Variants in BCAS3 observed in about 807,000 individuals in gnomAD.
BCAS3 encodes BCAS4/BCAS3 fusion.
BCAS3 carries 53 observed loss-of-function variants against 116.1 expected under a neutral mutation model. The observed-to-expected ratio is 0.46, with a 90% CI of 0.37 to 0.57. BCAS3 has a LOEUF of 0.57. BCAS3 is among the 20% of genes least tolerant of loss of function. BCAS3 has a pLI of 0.00. For missense variants in BCAS3, 917 were observed against 1,165.4 expected, an observed-to-expected ratio of 0.79 and a Z score of 3.10; for synonymous variants, 391 against 408.2, an observed-to-expected ratio of 0.96 and a Z score of 0.51.
At chr17:61,081,527 T>C (rs530775612) in intron 21 of BCAS3, among the ~76,000 whole-genome samples, 1 of 152,382 alleles carries the variant, frequency 6.6e-6, no homozygotes, top group South Asian at 2.1e-4. Flanking sequence ...AATATTATCC[T>C]GTTTACAGGA....
rs8064419 is a variant in BCAS3 at position 61,141,536 on chromosome 17, C to T, written c.2425+56972C>T. ...TCACACCACAGCACTCCAGCCTGGG[C>T]GGCAGAGCGAGACCCTGTCTCAAAA... On this transcript the variant is annotated intron_variant, in intron 22 of 23. Coordinates refer to ENST00000407086, the MANE Select transcript of BCAS3 (RefSeq NM_017679.5). This position sits in a 1 kb window ranked among gnomAD's most constrained non-coding sequence, Gnocchi z 4.3. Among the ~76,000 whole-genome samples the T allele has an allele frequency of 0.024, 3,694 of 151,068 alleles. 177 individuals carry two copies. Among genetic ancestry groups the T allele is most frequent in the African/African-American group, 0.085 (3,508 of 41,130 alleles).
At chr17:60,767,932 C>T (rs531926167) in intron 6 of BCAS3, among the ~76,000 whole-genome samples, 3 of 152,116 alleles carry the variant, frequency 2.0e-5, no homozygotes, top group African/African-American at 7.2e-5. Context: ...TTCTGAGTAG[C>T]TGGAATGACA....
chr17:60,818,447 T>G (rs999852623), intron 7 of BCAS3, among the ~76,000 whole-genome samples: 4 of 152,168 alleles, frequency 2.6e-5, no homozygotes, highest in African/African-American at 9.7e-5. Flanking sequence ...GTTATGTTAT[T>G]AAATAATTAG....
intron 12 of BCAS3, among the ~76,000 whole-genome samples, chr17:60,911,891 C>G (rs2058535010): frequency 6.6e-6 from 1 of 152,108 alleles, no homozygotes; most frequent in African/African-American, 2.4e-5. Context: ...CTTAAAGTAG[C>G]ATATAAGAAT....
At chr17:61,042,891 C>CAAAAAAAAAAAAAAAAAAAAAAAA (rs35629825) in intron 19 of BCAS3, among the ~76,000 whole-genome samples, 4 of 58,290 alleles carry the variant, frequency 6.9e-5, no homozygotes, top group African/African-American at 1.7e-4. Context: ...CTCCATCTCA[C>CAAAAAAAAAAAAAAAAAAAAAAAA]AAAAAAAAAA....
At chr17:60,797,140 C>T (rs540541750) in intron 6 of BCAS3, among the ~76,000 whole-genome samples, 266 of 152,220 alleles carry the variant, frequency 1.7e-3, no homozygotes, top group African/African-American at 5.8e-3. Context: ...AAGTGATCCA[C>T]CCACCTTGAC....
Position 61,244,565 on chromosome 17 carries a change from T to C in BCAS3, c.2426-123762T>C, listed in dbSNP as rs975943447. Among the ~76,000 whole-genome samples the C allele has an allele frequency of 1.3e-5, 2 of 152,222 alleles. No individual in the cohort carries two copies. The highest frequency in any genetic ancestry group is 4.8e-5 in the African/African-American group (2 of 41,470). On this transcript the variant is annotated intron_variant, in intron 22 of 23. Transcript: ENST00000407086. This position sits in a 1 kb window ranked among gnomAD's most constrained non-coding sequence, Gnocchi z 4.9. ...ACATACTTTATTCAGTCTATATTTT[T>C]AAAAATTGGATATATAGGCCCGGCG...
rs2064522660 is a variant in BCAS3 at position 61,004,686 on chromosome 17, G to A, written c.1487-11065G>A. Among the ~76,000 whole-genome samples the A allele has an allele frequency of 2.6e-5, 4 of 152,090 alleles. No homozygotes were observed. The South Asian group carries it at 8.3e-4, about 31-fold the overall frequency. On this transcript the variant is annotated intron_variant, in intron 15 of 23. Coordinates refer to ENST00000407086, the MANE Select transcript of BCAS3 (RefSeq NM_017679.5). This position sits in a 1 kb window ranked among gnomAD's most constrained non-coding sequence, Gnocchi z 4.8. ...TGATATTTTGAATTTGGAGGAGGAT[G>A]AGAAAAGGAAAAGGATTTAAGGTTC...
At chr17:61,049,884 C>T (rs1368077496) in intron 19 of BCAS3, among the ~76,000 whole-genome samples, 2 of 151,790 alleles carry the variant, frequency 1.3e-5, no homozygotes, top group Non-Finnish European at 2.9e-5. Context: ...AGGCATGCGC[C>T]ACCACGCCTG....
At chr17:61,035,161 A>G (rs984115404) in intron 17 of BCAS3, among the ~76,000 whole-genome samples, 3 of 152,168 alleles carry the variant, frequency 2.0e-5, no homozygotes, top group African/African-American at 7.2e-5. Context: ...GAGATGAAGA[A>G]CTTGAGACCA....
In BCAS3 at chr17:61,325,767, G is replaced by A. The variant is rs2055678480; in HGVS notation, c.2426-42560G>A. The stretch of plus-strand genomic sequence containing the variant: ...CACAAAGCAGGGGCTTTTTTAGGGA[G>A]GTGTTTTTGAAATGAGTGTCTCCAT... On this transcript the variant is annotated intron_variant, in intron 22 of 23. Transcript: ENST00000407086. This position sits in a 1 kb window ranked among gnomAD's most constrained non-coding sequence, Gnocchi z 6.4. Among the ~76,000 whole-genome samples the A allele has an allele frequency of 6.6e-6, 1 of 152,118 alleles. No homozygotes were observed. The highest frequency in any genetic ancestry group is 1.5e-5 in the Non-Finnish European group (1 of 68,014).
chr17:60,865,724 C>T (rs1485595857), intron 7 of BCAS3, among the ~76,000 whole-genome samples: 1 of 152,078 alleles, frequency 6.6e-6, no homozygotes, highest in East Asian at 1.9e-4. Flanking sequence ...TTTATTTCTA[C>T]CTTGACAATC....
At chr17:60,810,026 A>G (rs2048649986) in intron 7 of BCAS3, 2 of 182,316 alleles carry the variant, frequency 1.1e-5, no homozygotes, top group South Asian at 2.4e-4. Context: ...TAAAATGTCT[A>G]TTTTTAAATA....
At chr17:61,231,026 C>G (rs1053910615) in intron 22 of BCAS3, among the ~76,000 whole-genome samples, 12 of 147,938 alleles carry the variant, frequency 8.1e-5, no homozygotes, top group African/African-American at 3.0e-4. Context: ...GTCTCAAACT[C>G]CTGGACTCAA....
chr17:61,331,695 A>C (rs1438043963), intron 22 of BCAS3, among the ~76,000 whole-genome samples: 2 of 152,214 alleles, frequency 1.3e-5, no homozygotes, highest in African/African-American at 2.4e-5. Context: ...CAAATAATAT[A>C]ATCCTTCCTA....
chr17:61,256,459 A>G lies in BCAS3; in HGVS notation c.2426-111868A>G, dbSNP rs1602228490. Among the ~76,000 whole-genome samples the G allele has an allele frequency of 6.6e-6, 1 of 152,092 alleles. No individual in the cohort carries two copies. Among genetic ancestry groups the G allele is most frequent in the African/African-American group, 2.4e-5 (1 of 41,492 alleles). On this transcript the variant is annotated intron_variant, in intron 22 of 23. Transcript: ENST00000407086. This position sits in a 1 kb window ranked among gnomAD's most constrained non-coding sequence, Gnocchi z 5.6. The stretch of plus-strand genomic sequence containing the variant: ...GCTGGGATTACAGGCGTGGGCCACC[A>G]TACCTGGCTAATTTTTGTATTTTTA...
chr17:60,947,301 A>T lies in BCAS3; in HGVS notation c.1170A>T (p.Gln390His). Residue 390 changes from glutamine (Q) to histidine (H), a missense_variant, in exon 14 of 24, where the codon CAA (glutamine) becomes CAT (histidine). By Grantham distance (24) the Gln-to-His change is conservative (BLOSUM62 0). Transcript: ENST00000407086. The part of the protein sequence containing the change: ...QILTHPWSSS[Q>H]CAVHHLYTLH... The stretch of plus-strand genomic sequence containing the variant: ...TGACTCATCCTTGGTCCTCATCACA[A>T]TGTGCTGTCCACCATCTGTATACTC... The T allele has an allele frequency of 6.2e-7, 1 of 1,613,452 alleles. No individual in the cohort carries two copies. Among genetic ancestry groups the T allele is most frequent in the Non-Finnish European group, 8.5e-7 (1 of 1,179,472 alleles).
chr17:61,071,080 G>A (rs2071387120), intron 19 of BCAS3, among the ~76,000 whole-genome samples: 2 of 152,090 alleles, frequency 1.3e-5, no homozygotes, highest in South Asian at 4.1e-4. Context: ...ACAGAGCCTG[G>A]CTCTTCTGCT....
In BCAS3 at chr17:61,019,388, G is replaced by C. The variant is rs2065722140; in HGVS notation, c.1637+3487G>C. On this transcript the variant is annotated intron_variant, in intron 16 of 23. Coordinates refer to ENST00000407086, the MANE Select transcript of BCAS3 (RefSeq NM_017679.5). The surrounding 1 kb of genome is among the most constrained non-coding windows in gnomAD (Gnocchi z 5.6). Reference sequence around the variant, plus strand: ...CCTTAAGCCACTCTCTGAAGAGTTTGTTGATTATACCTGGAAACTACTATT... The same window carrying C: ...CCTTAAGCCACTCTCTGAAGAGTTTCTTGATTATACCTGGAAACTACTATT... Among the ~76,000 whole-genome samples, 1 of 152,118 alleles carries C rather than the reference G, an allele frequency of 6.6e-6. No individual in the cohort carries two copies. The highest frequency in any genetic ancestry group is 1.5e-5 in the Non-Finnish European group (1 of 68,014).
Sources: allele counts gnomAD v4.1 joint callset (sites outside exome capture counted in the v4.1 genomes callset), GRCh38; gene constraint gnomAD v4.1.1; non-coding constraint Gnocchi (gnomAD v3.1); transcripts MANE v1.5; gene names NCBI Gene and HGNC (gene_info 2026-07-23, HGNC 2026-07-21).